Variants in SLA observed in about 807,000 individuals in gnomAD.
SLA encodes src-like-adapter.
Under a neutral mutation model 30.3 loss-of-function variants are expected in SLA, and 16 were observed. The observed-to-expected ratio is 0.53, with a 90% CI of 0.36 to 0.80. SLA has a LOEUF of 0.80. Ranked by LOEUF, SLA falls within the 30% of genes least tolerant of loss-of-function variation. SLA has a pLI of 0.01. For missense variants in SLA, 310 were observed against 345.2 expected (o/e 0.90, Z 0.81); for synonymous variants, 143 against 137.8 (o/e 1.04, Z -0.26).
At chr8:133,091,995 G>A (rs572537184) in intron 1 of SLA, among the ~76,000 whole-genome samples, 3 of 152,152 alleles carry the variant, frequency 2.0e-5, no homozygotes, top group Admixed American at 6.5e-5. Context: ...GTCAGTGTCT[G>A]TGTGTGTCCT....
At chr8:133,081,042 C>G (rs1845667358) in intron 1 of SLA, among the ~76,000 whole-genome samples, 1 of 152,248 alleles carries the variant, frequency 6.6e-6, no homozygotes, top group Non-Finnish European at 1.5e-5. Flanking sequence ...TTGTGGGACT[C>G]TCTGATTCTT....
rs1256756724 is a variant in SLA at position 133,038,708 on chromosome 8, T to G, written c.647A>C (p.Asn216Thr). The change falls in exon 9 of 9, where the codon AAC becomes ACC. Residue 216 changes from asparagine (N) to threonine (T), a missense_variant. Coordinates refer to ENST00000338087, the MANE Select transcript of SLA (RefSeq NM_001045556.3). ...RLQEDPEGTE[N>T]PLGVDESLFS... ...AAGGGACTCGTCTACCCCAAGCGGG[T>G]TCTCTGTTCCCTCGGGGTCCTCCTG... 1 of 1,613,956 alleles carries G rather than the reference T, an allele frequency of 6.2e-7. No individual in the cohort carries two copies. Among genetic ancestry groups the G allele is most frequent in the Non-Finnish European group, 8.5e-7 (1 of 1,179,964 alleles).
At chr8:133,102,526 C>A in intron 1 of SLA, 27 bp downstream of exon 1, 1 of 1,551,050 alleles carries the variant, frequency 6.4e-7, no homozygotes, top group Non-Finnish European at 8.7e-7. Flanking sequence ...CCAGGGGGTC[C>A]CAATGACAGC....
intron 2 of SLA, among the ~76,000 whole-genome samples, chr8:133,072,687 A>G (rs1182133199): frequency 1.3e-5 from 2 of 152,250 alleles, no homozygotes; most frequent in South Asian, 2.1e-4. Context: ...CACTAGAATG[A>G]ATAATTTCTG....
At chr8:133,038,942 A>G (rs779821047) in intron 8 of SLA, among the ~76,000 whole-genome samples, 22 of 152,112 alleles carry the variant, frequency 1.4e-4, no homozygotes, top group Non-Finnish European at 2.1e-4. Flanking sequence ...CAGTGGTGCA[A>G]TCTCTGCTCA....
At chr8:133,094,711 G>A (rs940809071) in intron 1 of SLA, 9 of 393,986 alleles carry the variant, frequency 2.3e-5, no homozygotes, top group African/African-American at 1.9e-4. Flanking sequence ...AGAGGACTTT[G>A]CCACAATCTC....
At chr8:133,095,334 G>A (rs1848242963) in intron 1 of SLA, 3 of 1,333,214 alleles carry the variant, frequency 2.3e-6, no homozygotes, top group African/African-American at 1.4e-5. Flanking sequence ...ACCAACTGGA[G>A]CTGGAACTCA....
chr8:133,065,768 T>TAATAAAATAA (rs60174705), intron 2 of SLA, among the ~76,000 whole-genome samples: 3,151 of 150,786 alleles, frequency 0.021, 66 homozygotes, highest in African/African-American at 0.049. Context: ...GTCTCAAAAA[T>TAATAAAATAA]AATAAAATAA....
Position 133,091,841 on chromosome 8 carries a change from C to G in SLA, c.-319+10712G>C, listed in dbSNP as rs1354889578. Among the ~76,000 whole-genome samples the G allele has an allele frequency of 2.6e-4, 40 of 151,802 alleles. 1 individual carries two copies. Among genetic ancestry groups the G allele is most frequent in the Admixed American group, 2.6e-3 (40 of 15,238 alleles). Reference sequence around the variant, plus strand: ...GTGTATGCCTGTGAGTTTTATGTGACCATGAGTGTCTGTGTGTGTAAGTGT... The same window carrying G: ...GTGTATGCCTGTGAGTTTTATGTGAGCATGAGTGTCTGTGTGTGTAAGTGT... On this transcript the variant is annotated intron_variant, in intron 1 of 8. Transcript: ENST00000338087.
chr8:133,039,924 G>T (rs1837853358), intron 8 of SLA, 74 bp downstream of exon 8: 2 of 1,515,616 alleles, frequency 1.3e-6, no homozygotes, highest in Admixed American at 2.0e-5. Flanking sequence ...ACACCGTTTT[G>T]TGCTCACATG....
intron 7 of SLA, among the ~76,000 whole-genome samples, chr8:133,042,709 T>TTTTG (rs1554706931): frequency 5.0e-5 from 7 of 138,682 alleles, no homozygotes; most frequent in African/African-American, 2.0e-4. Context: ...TTTTTTTTTT[T>TTTTG]GTGAGATGGA....
At chr8:133,086,623 TA>T (rs1846605822) in intron 1 of SLA, among the ~76,000 whole-genome samples, 1 of 152,366 alleles carries the variant, frequency 6.6e-6, no homozygotes, top group South Asian at 2.1e-4. Context: ...TGAATAGATT[TA>T]GTTATAAAGA....
intron 3 of SLA, chr8:133,059,141 C>T (rs1430853353): frequency 1.1e-5 from 5 of 456,320 alleles, no homozygotes; most frequent in South Asian, 7.7e-5. Flanking sequence ...CGCCAGTGAA[C>T]TCCGCCCAGG....
rs780897506 is a variant in SLA, at chr8:133,045,069, G to T, written c.399C>A (p.Arg133=). 1.3e-5 allele frequency: 21 copies of T among 1,614,056 alleles called. No individual in the cohort carries two copies. Among genetic ancestry groups the T allele is most frequent in the Non-Finnish European group, 1.7e-5 (20 of 1,180,016 alleles). The part of the protein sequence containing the change: ...SVRHRQVKHY[R]IFRLPNNWYY... The stretch of plus-strand genomic sequence containing the variant: ...ACCAGTTGTTGGGCAGACGGAAAAT[G>T]CGGTAATGCTTTACCTGCCTGTGTC... Residue 133 remains arginine, a synonymous_variant, in exon 7 of 9, where the codon CGC becomes CGA. Transcript: ENST00000338087.
intron 1 of SLA, among the ~76,000 whole-genome samples, chr8:133,098,386 G>C (rs568676890): frequency 6.6e-6 from 1 of 152,338 alleles, no homozygotes; most frequent in South Asian, 2.1e-4. Context: ...TCTAGTCTTA[G>C]TATTCTCTTG....
intron 3 of SLA, 131 bp from the exon 4 acceptor site, chr8:133,051,046 C>A (rs1057488234): frequency 1.6e-6 from 1 of 628,098 alleles, no homozygotes; most frequent in African/African-American, 1.8e-5. Flanking sequence ...TTTTGAACCA[C>A]CAATTTACAG....
At chr8:133,099,242 C>A (rs1848888165) in intron 1 of SLA, among the ~76,000 whole-genome samples, 1 of 152,214 alleles carries the variant, frequency 6.6e-6, no homozygotes, top group Non-Finnish European at 1.5e-5. Context: ...GGGCAGTGTT[C>A]CCCCAGCACA....
intron 1 of SLA, among the ~76,000 whole-genome samples, chr8:133,083,260 T>A (rs1846021680): frequency 6.6e-6 from 1 of 152,228 alleles, no homozygotes; most frequent in African/African-American, 2.4e-5. Flanking sequence ...TTATCAAGTA[T>A]TTTTTGAACC....
chr8:133,098,380 G>A (rs4403389), intron 1 of SLA, among the ~76,000 whole-genome samples: 31,198 of 152,242 alleles, frequency 0.2, 3,578 homozygotes, highest in Middle Eastern at 0.27. Context: ...GGAAGTTCTA[G>A]TCTTAGTATT....
Sources: allele counts gnomAD v4.1 joint callset (sites outside exome capture counted in the v4.1 genomes callset), GRCh38; gene constraint gnomAD v4.1.1; transcripts MANE v1.5; gene names NCBI Gene and HGNC (gene_info 2026-07-23, HGNC 2026-07-21).